KLHL29: variants seen among roughly 807,000 people sequenced by gnomAD.
KLHL29 encodes kelch like family member 29.
Under a neutral mutation model 80.4 loss-of-function variants are expected in KLHL29, and 21 were observed. The ratio of observed to expected loss-of-function variants is 0.26; its 90% CI spans 0.19 to 0.38. The LOEUF is 0.38. Ranked by LOEUF, KLHL29 falls within the 10% of genes least tolerant of loss-of-function variation. The pLI is 1.00. For missense variants in KLHL29, 867 were observed against 1,223.9 expected, an observed-to-expected ratio of 0.71 and a Z score of 4.35; for synonymous variants, 511 against 526.8, an observed-to-expected ratio of 0.97 and a Z score of 0.41.
At chr2:23,706,307 A>C (rs1248855962) in intron 13 of KLHL29, among the ~76,000 whole-genome samples, 174 bp from the exon 14 acceptor site, 1 of 152,116 alleles carries the variant, frequency 6.6e-6, no homozygotes, top group Non-Finnish European at 1.5e-5. Context: ...GCCCTGGAGG[A>C]CAGGTGTTTT....
At chr2:23,529,622 T>C (rs1345057197) in intron 2 of KLHL29, among the ~76,000 whole-genome samples, 1 of 151,758 alleles carries the variant, frequency 6.6e-6, no homozygotes, top group African/African-American at 2.4e-5. Context: ...ACCTGGCTGA[T>C]TGGAGGTGAT....
intron 11 of KLHL29, among the ~76,000 whole-genome samples, chr2:23,699,748 T>G (rs1031639967): frequency 1.3e-5 from 2 of 152,176 alleles, no homozygotes; most frequent in African/African-American, 4.8e-5. Context: ...CATAACACAC[T>G]GGCCCCACCA....
chr2:23,432,252 T>C (rs940553254), intron 1 of KLHL29, among the ~76,000 whole-genome samples: 56 of 152,364 alleles, frequency 3.7e-4, no homozygotes, highest in African/African-American at 1.3e-3. Context: ...CCTTGTTAAA[T>C]AGTATTTAAT....
intron 2 of KLHL29, among the ~76,000 whole-genome samples, chr2:23,559,287 C>T (rs2103494910): frequency 6.6e-6 from 1 of 152,214 alleles, no homozygotes; most frequent in African/African-American, 2.4e-5. Flanking sequence ...CGCCCAGATC[C>T]TCTTCTGGGC....
intron 1 of KLHL29, among the ~76,000 whole-genome samples, chr2:23,397,620 C>G (rs1339476965): frequency 6.6e-6 from 1 of 152,204 alleles, no homozygotes; most frequent in Non-Finnish European, 1.5e-5. Flanking sequence ...GGCCCTTATT[C>G]CTGTGCTGGG....
At chr2:23,395,756 GA>G (rs200288530) in intron 1 of KLHL29, among the ~76,000 whole-genome samples, 12,133 of 129,920 alleles carry the variant, frequency 0.093, 971 homozygotes, top group East Asian at 0.29. Context: ...AAAAAGGAAA[GA>G]AAAAAAAAAA....
chr2:23,642,419 C>T lies in KLHL29; in HGVS notation c.509C>T (p.Pro170Leu). 6.7e-7 allele frequency: 1 copy of T among 1,487,994 alleles called. No homozygotes were observed. Among genetic ancestry groups the T allele is most frequent in the Non-Finnish European group, 9.0e-7 (1 of 1,113,170 alleles). The allele number at this position is 1,487,994 out of a possible 1,614,324, so 92.2% of individuals were successfully genotyped here. Residue 170 changes from proline (P) to leucine (L), a missense_variant, in exon 5 of 14, where the codon CCC (proline) becomes CTC (leucine). This residue lies in a region of KLHL29 where 424 missense variants were observed against 456.9 expected (regional missense o/e 0.93). Transcript: ENST00000486442. ...CACTCCTATGGAGTGGCCCAGCCTC[C>T]CACCTTCAGCCCGGCTGTGAACGTC... ...IAHSYGVAQPPTFSPAVNVQA... is the reference protein window; with the variant it reads ...IAHSYGVAQPLTFSPAVNVQA...
intron 3 of KLHL29, among the ~76,000 whole-genome samples, chr2:23,571,294 G>T (rs1018637048): frequency 1.3e-5 from 2 of 152,262 alleles, no homozygotes; most frequent in Admixed American, 6.5e-5. Flanking sequence ...AGCCTGCCTG[G>T]TGAGTTGATT....
At chr2:23,629,368 T>C (rs1669411277) in intron 3 of KLHL29, among the ~76,000 whole-genome samples, 1 of 151,474 alleles carries the variant, frequency 6.6e-6, no homozygotes, top group Admixed American at 6.6e-5. Flanking sequence ...TCGTTTGTGA[T>C]GGGCTTTTTT....
rs546341181 is a variant in KLHL29, at chr2:23,691,885, G to C, written c.1282+9G>C. The C allele has an allele frequency of 1.6e-5, 24 of 1,546,426 alleles. No homozygotes were observed. The African/African-American group carries it at 2.7e-4, about 18-fold the overall frequency. Reference sequence around the variant, plus strand: ...CTGCGTGTCCTTTCTCGGTGAGCCCGGGGGCCACATATGTCGCTTGGGGGG... The same window carrying C: ...CTGCGTGTCCTTTCTCGGTGAGCCCCGGGGCCACATATGTCGCTTGGGGGG... On this transcript the variant is annotated intron_variant, in intron 7 of 13. Coordinates refer to ENST00000486442, the MANE Select transcript of KLHL29 (RefSeq NM_052920.2).
intron 5 of KLHL29, among the ~76,000 whole-genome samples, chr2:23,664,732 G>C (rs1276968783): frequency 6.6e-6 from 1 of 152,244 alleles, no homozygotes; most frequent in Non-Finnish European, 1.5e-5. Flanking sequence ...GGGCTGGCAT[G>C]TGGGTGAGGG....
chr2:23,569,104 C>G (rs557780449), intron 3 of KLHL29, among the ~76,000 whole-genome samples: 12 of 152,352 alleles, frequency 7.9e-5, no homozygotes, highest in Non-Finnish European at 1.6e-4. Context: ...GGGACTGGAA[C>G]ACTGCTGTCC....
intron 1 of KLHL29, among the ~76,000 whole-genome samples, chr2:23,452,183 A>AC (rs1553325360): frequency 6.7e-6 from 1 of 149,260 alleles, no homozygotes; most frequent in African/African-American, 2.5e-5. Flanking sequence ...AGAAAAAAAA[A>AC]TTTTTTTCTT....
intron 5 of KLHL29, among the ~76,000 whole-genome samples, chr2:23,673,665 C>G (rs1558434356): frequency 6.6e-6 from 1 of 151,368 alleles, no homozygotes; most frequent in East Asian, 2.0e-4. Context: ...GACACATACA[C>G]AGGGGTGCAT....
chr2:23,394,950 CA>C (rs1202108743), intron 1 of KLHL29, among the ~76,000 whole-genome samples: 1 of 152,190 alleles, frequency 6.6e-6, no homozygotes, highest in Non-Finnish European at 1.5e-5. Flanking sequence ...TTCCTGTTTG[CA>C]AAGTGCTTAG....
chr2:23,462,808 T>C (rs1366899473), intron 1 of KLHL29, among the ~76,000 whole-genome samples: 2 of 152,218 alleles, frequency 1.3e-5, no homozygotes, highest in African/African-American at 4.8e-5. Flanking sequence ...AATGTTTAAT[T>C]ATTTTAGTTT....
Position 23,684,343 on chromosome 2 carries a change from A to T in KLHL29, c.941-56A>T. On this transcript the variant is annotated intron_variant, in intron 5 of 13. Transcript: ENST00000486442. The surrounding 1 kb of genome is among the most constrained non-coding windows in gnomAD (Gnocchi z 4.4). ...AAAGAAAAAAAACTTTTTTTAATTA[A>T]AAAAAAAAAAACTCTTAATGGGAAC... 1 of 1,204,320 alleles carries T rather than the reference A, an allele frequency of 8.3e-7. No homozygotes were observed. Among genetic ancestry groups the T allele is most frequent in the Admixed American group, 3.9e-5 (1 of 25,666 alleles). 74.6% of individuals were successfully genotyped at this position (1,204,320 alleles called of 1,614,324 possible).
intron 5 of KLHL29, among the ~76,000 whole-genome samples, chr2:23,683,288 C>T (rs969084244): frequency 1.7e-4 from 26 of 152,220 alleles, no homozygotes; most frequent in African/African-American, 5.8e-4. Flanking sequence ...CAAGGGAAAT[C>T]GCCTGGCCTG....
rs572521409 is a variant in KLHL29, at chr2:23,407,180, G to A, written c.-154+21400G>A. On this transcript the variant is annotated intron_variant, in intron 1 of 13. Coordinates refer to ENST00000486442, the MANE Select transcript of KLHL29 (RefSeq NM_052920.2). ...TCAGTAATTTGCTACTATAAATAAC[G>A]TTGCAATGAAATACTGATGAACAAA... Among the ~76,000 whole-genome samples, 10 of 152,188 alleles carry A rather than the reference G, an allele frequency of 6.6e-5. No individual in the cohort carries two copies. In the South Asian group the frequency reaches 1.5e-3, roughly 22 times the overall value.
Sources: gnomAD v4.1 joint callset for allele counts (sites outside exome capture counted in the v4.1 genomes callset) on GRCh38, gnomAD v4.1.1 for gene constraint, gnomAD v4.1.1 regional missense constraint, Gnocchi (gnomAD v3.1) non-coding constraint, MANE v1.5 for transcripts, NCBI Gene and HGNC (gene_info 2026-07-23, HGNC 2026-07-21) for gene names.